Variants in MFSD8 observed in about 807,000 individuals in gnomAD.
MFSD8 encodes the protein major facilitator superfamily domain containing 8, also known as major facilitator superfamily domain-containing protein 8.
A neutral mutation model predicts 66.4 loss-of-function variants in MFSD8; 55 were observed. The observed-to-expected ratio is 0.83, with a 90% confidence interval of 0.67 to 1.04. The LOEUF (loss-of-function observed/expected upper bound fraction) is 1.04. Among genes scored for constraint, MFSD8 ranks in the 50% least tolerant of loss-of-function variants. The probability of loss-of-function intolerance (pLI) is 0.00; values close to 1 mark genes in which losing one functional copy is unlikely to be tolerated. For synonymous variants in MFSD8, 202 were observed against 212.8 expected (o/e 0.95, Z 0.44); for missense variants, 550 against 627.6 (o/e 0.88, Z 1.32).
intron 9 of MFSD8, among the ~76,000 whole-genome samples, chr4:127,924,803 A>G (rs1736922711): frequency 6.6e-6 from 1 of 152,194 alleles, no homozygotes; most frequent in African/African-American, 2.4e-5. Context: ...AAGCAAAAAG[A>G]ACAAAGCTGA....
intron 9 of MFSD8, among the ~76,000 whole-genome samples, chr4:127,928,166 C>T (rs1737530436): frequency 6.6e-6 from 1 of 152,172 alleles, no homozygotes; most frequent in African/African-American, 2.4e-5. Flanking sequence ...ATTCTCTTGC[C>T]TTAGCCTCCT....
intron 5 of MFSD8, among the ~76,000 whole-genome samples, chr4:127,941,827 C>A (rs373324963): frequency 1.2e-4 from 19 of 152,234 alleles, no homozygotes; most frequent in Middle Eastern, 3.4e-3. Flanking sequence ...TCTCTATGCA[C>A]TGGCACTCTC....
chr4:127,943,203 G>C (rs566763488), intron 4 of MFSD8, among the ~76,000 whole-genome samples: 19 of 149,756 alleles, frequency 1.3e-4, no homozygotes, highest in Non-Finnish European at 2.4e-4. Flanking sequence ...GGGTGACAGA[G>C]TAAGACTCCG....
chr4:127,924,827 C>T (rs182833313), intron 9 of MFSD8, among the ~76,000 whole-genome samples: 3 of 152,210 alleles, frequency 2.0e-5, no homozygotes. Flanking sequence ...CATCACAATA[C>T]CTGACTTCAA....
chr4:127,925,769 A>G (rs1337521027), intron 9 of MFSD8, among the ~76,000 whole-genome samples: 1 of 152,222 alleles, frequency 6.6e-6, no homozygotes, highest in African/African-American at 2.4e-5. Flanking sequence ...AAATCATTCT[A>G]CTATGAAGAC....
upstream of MFSD8, chr4:127,965,324 G>T (rs566240504): frequency 1.9e-5 from 13 of 687,036 alleles, no homozygotes; most frequent in Admixed American, 9.1e-5. Context: ...GCGAAAGGAG[G>T]CTGTGTCCTC....
chr4:127,952,296 C>T (rs1004203795), intron 2 of MFSD8, among the ~76,000 whole-genome samples: 4 of 151,368 alleles, frequency 2.6e-5, no homozygotes, highest in Non-Finnish European at 4.4e-5. Flanking sequence ...CCCAGCTACT[C>T]GGGAGGTTGA....
At position 127,919,420 on chromosome 4, in the gene MFSD8, T is replaced by C. The variant is rs1000042677; in HGVS notation, c.*1210A>G. The stretch of plus-strand genomic sequence containing the variant: ...AAAGTAGAAAACATTTGGAAAAGTG[T>C]TTAGAAATATTTTTGCATTTTCTTA... On this transcript the variant is annotated 3_prime_UTR_variant, in exon 12 of 12. Coordinates refer to ENST00000641686, the MANE Select transcript of MFSD8 (RefSeq NM_001371596.2). The C allele has an allele frequency of 6.6e-6, 1 of 152,228 alleles. No homozygotes were observed. The highest frequency in any genetic ancestry group is 1.5e-5 in the Non-Finnish European group (1 of 68,034). The allele number at this position is 152,228 out of a possible 1,614,324, so 9.4% of individuals were successfully genotyped here.
rs1419909769 is a variant in MFSD8, at chr4:127,930,792, T to G, written c.889A>C (p.Met297Leu). ...GCTTGTTCTTGAGTCCAGGCATACA[T>G]ATCCATTGTTAATGGAGTAATGATG... Reference protein sequence around the residue: ...ETIITPLTMDMYAWTQEQAVL... With the variant: ...ETIITPLTMDLYAWTQEQAVL... The change falls in exon 9 of 12, where the codon ATG becomes CTG. Residue 297 changes from methionine to leucine, a missense_variant. By Grantham distance (15) the Met-to-Leu change is conservative. Transcript: ENST00000641686. The G allele has an allele frequency of 6.2e-7, 1 of 1,611,842 alleles. No individual in the cohort carries two copies. Among genetic ancestry groups the G allele is most frequent in the African/African-American group, 1.3e-5 (1 of 75,010 alleles).
Position 127,957,359 on chromosome 4 carries a change from T to C in MFSD8, c.154+142A>G, listed in dbSNP as rs138655902. 191 of 648,144 alleles carry C rather than the reference T, an allele frequency of 2.9e-4. 2 individuals are homozygous for C. In the African/African-American group the frequency reaches 3.1e-3, roughly 11 times the overall value. The allele number at this position is 648,144 out of a possible 1,614,324, so 40.1% of individuals were successfully genotyped here. A position where few individuals can be genotyped will look rare whatever the true frequency, so the allele number is the denominator to read the frequency against. The stretch of plus-strand genomic sequence containing the variant: ...TATACTTAAGGCTATTGAACTTAGA[T>C]ATGGTAACACGGTAAATTTATGTCA... On this transcript the variant is annotated intron_variant, in intron 2 of 11. Transcript: ENST00000641686.
chr4:127,929,531 T>C (rs1023238352), intron 9 of MFSD8, among the ~76,000 whole-genome samples: 2 of 150,638 alleles, frequency 1.3e-5, no homozygotes, highest in Non-Finnish European at 2.9e-5. Context: ...GAGGCTGCCA[T>C]GAGCTATGAT....
chr4:127,961,631 G>A (rs1375405239), intron 1 of MFSD8, among the ~76,000 whole-genome samples: 1 of 151,890 alleles, frequency 6.6e-6, no homozygotes, highest in Non-Finnish European at 1.5e-5. Context: ...TGGCTAACAC[G>A]GTGAAACCCC....
intron 8 of MFSD8, among the ~76,000 whole-genome samples, chr4:127,931,716 G>A (rs1738163065): frequency 6.6e-6 from 1 of 152,184 alleles, no homozygotes; most frequent in South Asian, 2.1e-4. Flanking sequence ...TGGAACTTCT[G>A]TTTAGGATGA....
intron 2 of MFSD8, among the ~76,000 whole-genome samples, chr4:127,957,190 T>C (rs1182219886): frequency 6.6e-6 from 1 of 152,212 alleles, no homozygotes; most frequent in Non-Finnish European, 1.5e-5. Flanking sequence ...TCCATTTATA[T>C]GAGCTATCTA....
intron 7 of MFSD8, among the ~76,000 whole-genome samples, chr4:127,936,661 C>T (rs1330502163): frequency 6.6e-6 from 1 of 151,466 alleles, no homozygotes; most frequent in Non-Finnish European, 1.5e-5. Context: ...TTTAATTGGG[C>T]ATTCTGTGTT....
At chr4:127,951,255 C>CA (rs1171777665) in intron 2 of MFSD8, among the ~76,000 whole-genome samples, 2 of 151,964 alleles carry the variant, frequency 1.3e-5, no homozygotes, top group Non-Finnish European at 2.9e-5. Context: ...TTTTTTGAGA[C>CA]AGAGTTTCTT....
Position 127,948,274 on chromosome 4 carries a change from A to G in MFSD8, c.198+1530T>C, listed in dbSNP as rs1183060932. Among the ~76,000 whole-genome samples, 15 of 152,122 alleles carry G rather than the reference A, an allele frequency of 9.9e-5. 1 individual carries two copies. The highest frequency in any genetic ancestry group is 1.5e-5 in the Non-Finnish European group (1 of 68,004). ...TCTAAAGTAATTATTGGTCACAGCT[A>G]GTGCTAGGAAAAGGCAGCCTCCTAA... On this transcript the variant is annotated intron_variant, in intron 3 of 11. Coordinates refer to ENST00000641686, the MANE Select transcript of MFSD8 (RefSeq NM_001371596.2).
chr4:127,930,877 T>C (rs1738008744), intron 8 of MFSD8, 60 bp from the exon 9 acceptor site: 14 of 1,504,234 alleles, frequency 9.3e-6, no homozygotes, highest in Non-Finnish European at 1.3e-5. Flanking sequence ...ATACTTAAAG[T>C]GAAGTGTAAG....
chr4:127,931,467 C>T (rs975839626), intron 8 of MFSD8, among the ~76,000 whole-genome samples: 7 of 152,172 alleles, frequency 4.6e-5, no homozygotes, highest in Non-Finnish European at 1.0e-4. Context: ...AAGCAATTCT[C>T]CTGCCTCAGC....
Sources: allele counts gnomAD v4.1 joint callset (sites outside exome capture counted in the v4.1 genomes callset), GRCh38; gene constraint gnomAD v4.1.1; transcripts MANE v1.5; gene names NCBI Gene and HGNC (gene_info 2026-07-23, HGNC 2026-07-21).